SPTBN2: variants seen among roughly 807,000 people sequenced by gnomAD.
SPTBN2 encodes spectrin beta chain, non-erythrocytic 2.
A neutral mutation model predicts 284.2 loss-of-function variants in SPTBN2; 107 were observed. That is an observed-to-expected ratio of 0.38 (90% CI 0.32 to 0.44). The LOEUF is 0.44. Among genes scored for constraint, SPTBN2 ranks in the 20% least tolerant of loss-of-function variants. SPTBN2 has a pLI of 1.00. For missense variants in SPTBN2, 2,569 were observed against 3,287.1 expected, an observed-to-expected ratio of 0.78 and a Z score of 5.34; for synonymous variants, 1,289 against 1,354.8, an observed-to-expected ratio of 0.95 and a Z score of 1.07.
chr11:66,715,804 C>CA lies in SPTBN2; in HGVS notation c.309+25dup, dbSNP rs1307523927. ...CTTGGACACTTTTCTAAGGCCCCCC[C>CA]ACTTCCCTTCATGACCACAGCTCAC... On this transcript the variant is annotated intron_variant, in intron 4 of 37. Coordinates refer to ENST00000533211, the MANE Select transcript of SPTBN2 (RefSeq NM_006946.4). This position sits in a 1 kb window ranked among gnomAD's most constrained non-coding sequence, Gnocchi z 5.3. The CA allele has an allele frequency of 1.9e-6, 3 of 1,613,216 alleles. No individual in the cohort carries two copies. The highest frequency in any genetic ancestry group is 3.3e-5 in the Admixed American group (2 of 59,912).
At position 66,705,421 on chromosome 11, in the gene SPTBN2, G is replaced by T; in HGVS notation, c.1855C>A (p.Leu619Ile). The T allele has an allele frequency of 6.2e-7, 1 of 1,613,026 alleles. No homozygotes were observed. Among genetic ancestry groups the T allele is most frequent in the Non-Finnish European group, 8.5e-7 (1 of 1,180,024 alleles). ...CACAGTGCCTCATAGCTCTGCTCTA[G>T]CTTGGCCACCCGCTCCGACACCAGC... ...PQLVSERVAK[L>I]EQSYEALCEL... Residue 619 changes from leucine to isoleucine, a missense_variant, in exon 15 of 38, where the codon CTA (leucine) becomes ATA (isoleucine). By Grantham distance (5) the Leu-to-Ile change is conservative. This residue lies in a region of SPTBN2 where 1,012 missense variants were observed against 1,248.9 expected (regional missense o/e 0.81). Coordinates refer to ENST00000533211, the MANE Select transcript of SPTBN2 (RefSeq NM_006946.4).
Position 66,689,192 on chromosome 11 carries a change from G to A in SPTBN2, c.5950-12C>T, listed in dbSNP as rs867597185. On this transcript the variant is annotated splice_polypyrimidine_tract_variant and intron_variant, in intron 29 of 37. Coordinates refer to ENST00000533211, the MANE Select transcript of SPTBN2 (RefSeq NM_006946.4). The stretch of plus-strand genomic sequence containing the variant: ...AGCTTCTCTGAGATCTGGGGGCGGG[G>A]GGCAGAGATATGAGTTAGCACCAGG... 1 of 1,597,974 alleles carries A rather than the reference G, an allele frequency of 6.3e-7. No individual in the cohort carries two copies. Among genetic ancestry groups the A allele is most frequent in the Non-Finnish European group, 8.5e-7 (1 of 1,171,002 alleles).
chr11:66,710,234 G>A lies in SPTBN2; in HGVS notation c.1073+348C>T, dbSNP rs1182770381. Reference sequence around the variant, plus strand: ...ATTTTTTTGTAATTTTAGTGGAGACGGGGTTTCACCATGTTGGCCAGGCTG... The same window carrying A: ...ATTTTTTTGTAATTTTAGTGGAGACAGGGTTTCACCATGTTGGCCAGGCTG... On this transcript the variant is annotated intron_variant, in intron 10 of 37. Coordinates refer to ENST00000533211, the MANE Select transcript of SPTBN2 (RefSeq NM_006946.4). The surrounding 1 kb of genome is among the most constrained non-coding windows in gnomAD (Gnocchi z 4.9). 6.6e-6 allele frequency among the ~76,000 whole-genome samples: 1 copy of A among 151,006 alleles called. No homozygotes were observed. Among genetic ancestry groups the A allele is most frequent in the African/African-American group, 2.4e-5 (1 of 40,996 alleles).
chr11:66,710,805 C>A lies in SPTBN2; in HGVS notation c.886-36G>T. ...GAAGACAGGGACGTGACAGTCCCAG[C>A]CACAGGGTCCCTGGCCCAGTCCTGC... On this transcript the variant is annotated intron_variant, in intron 9 of 37. Coordinates refer to ENST00000533211, the MANE Select transcript of SPTBN2 (RefSeq NM_006946.4). The surrounding 1 kb of genome is among the most constrained non-coding windows in gnomAD (Gnocchi z 4.9). The A allele has an allele frequency of 1.2e-6, 2 of 1,612,878 alleles. No individual in the cohort carries two copies. Among genetic ancestry groups the A allele is most frequent in the Non-Finnish European group, 8.5e-7 (1 of 1,179,676 alleles).
upstream of SPTBN2, among the ~76,000 whole-genome samples, chr11:66,734,079 CTAAT>C (rs1292602129): frequency 6.6e-6 from 1 of 151,640 alleles, no homozygotes; most frequent in East Asian, 1.9e-4. Context: ...GCAATTGACT[CTAAT>C]TATGCCCTGC....
intron 1 of SPTBN2, among the ~76,000 whole-genome samples, chr11:66,736,690 C>T (rs1403489514): frequency 6.6e-6 from 1 of 152,160 alleles, no homozygotes; most frequent in Non-Finnish European, 1.5e-5. Context: ...ATACTAATAA[C>T]TGAGGGGGAA....
chr11:66,713,578 T>C, intron 8 of SPTBN2, 53 bp downstream of exon 8: 1 of 1,462,008 alleles, frequency 6.8e-7, no homozygotes, highest in South Asian at 1.1e-5. Flanking sequence ...CAACCACTGG[T>C]CCACCTCCTG....
rs1262705615 is a variant in SPTBN2 at position 66,705,034 on chromosome 11, T to C, written c.2242A>G (p.Ser748Gly). The change falls in exon 15 of 38, where the codon AGC (serine) becomes GGC (glycine). Residue 748 changes from serine to glycine, a missense_variant. Coordinates refer to ENST00000533211, the MANE Select transcript of SPTBN2 (RefSeq NM_006946.4). Reference sequence around the variant, plus strand: ...GCATCGGCCTGGAACTGGTAGAGGCTGGCGGCTTGGGCCAGCCGCTGGGCA... The same window carrying C: ...GCATCGGCCTGGAACTGGTAGAGGCCGGCGGCTTGGGCCAGCCGCTGGGCA... ...ERAQRLAQAA[S>G]LYQFQADAND... 1 of 1,600,780 alleles carries C rather than the reference T, an allele frequency of 6.2e-7. No homozygotes were observed. The highest frequency in any genetic ancestry group is 8.5e-7 in the Non-Finnish European group (1 of 1,179,466).
At chr11:66,709,235 T>C (rs1189497928) in intron 10 of SPTBN2, among the ~76,000 whole-genome samples, 1 of 152,238 alleles carries the variant, frequency 6.6e-6, no homozygotes, top group East Asian at 1.9e-4. Flanking sequence ...TGGAGTGCAG[T>C]GGTGCGATCT....
rs751736175 is a variant in SPTBN2 at position 66,693,082 on chromosome 11, C to G, written c.4873G>C (p.Ala1625Pro). 6.2e-6 allele frequency: 10 copies of G among 1,614,050 alleles called. No homozygotes were observed. Among genetic ancestry groups the G allele is most frequent in the Non-Finnish European group, 7.6e-6 (9 of 1,180,046 alleles). ...EKAKDELSAQ[A>P]EVKKHQVLEQ... Reference sequence around the variant, plus strand: ...AGCACCTGGTGCTTCTTCACCTCTGCCTGGGCACTCAGCTCATCCTGGGGG... The same window carrying G: ...AGCACCTGGTGCTTCTTCACCTCTGGCTGGGCACTCAGCTCATCCTGGGGG... The change falls in exon 25 of 38, where the codon GCA (alanine) becomes CCA (proline). Residue 1625 changes from alanine to proline, a missense_variant. By Grantham distance (27) the Ala-to-Pro change is conservative (BLOSUM62 -1). Transcript: ENST00000533211. This position sits in a 1 kb window ranked among gnomAD's most constrained non-coding sequence, Gnocchi z 5.7.
chr11:66,701,065 C>T lies in SPTBN2; in HGVS notation c.3034G>A (p.Ala1012Thr), dbSNP rs756291451. The change falls in exon 17 of 38, where the codon GCC (alanine) becomes ACC (threonine). Residue 1012 changes from alanine (A) to threonine (T), a missense_variant. Around this residue, in one of 6 missense-constraint regions of SPTBN2, gnomAD observed 1,012 missense variants for 1,248.9 expected, o/e 0.81. Transcript: ENST00000533211. ...AGTERDLEAI[A>T]ARVGELTREA... is the part of the protein sequence containing the mutation. ...CGAGTCAGTTCGCCCACCCGGGCGG[C>T]GATGGCCTCCAGGTCCCGCTCCGTG... 22 of 1,610,722 alleles carry T rather than the reference C, an allele frequency of 1.4e-5. No individual in the cohort carries two copies. Among genetic ancestry groups the T allele is most frequent in the African/African-American group, 5.3e-5 (4 of 74,940 alleles).
chr11:66,699,101 G>C lies in SPTBN2; in HGVS notation c.3777-19C>G, dbSNP rs1267223290. ...CTTGTGCCTGGAACGACACCCTCTT[G>C]TGAAACTCTGGAATTTGCTGTGAAA... On this transcript the variant is annotated intron_variant, in intron 18 of 37. Coordinates refer to ENST00000533211, the MANE Select transcript of SPTBN2 (RefSeq NM_006946.4). 1 of 1,614,102 alleles carries C rather than the reference G, an allele frequency of 6.2e-7. No individual in the cohort carries two copies. Among genetic ancestry groups the C allele is most frequent in the East Asian group, 2.2e-5 (1 of 44,880 alleles).
Position 66,688,150 on chromosome 11 carries a change from C to G in SPTBN2, c.6374+19G>C, listed in dbSNP as rs758234823. 6.8e-6 allele frequency: 11 copies of G among 1,613,390 alleles called. No homozygotes were observed. Among genetic ancestry groups the G allele is most frequent in the South Asian group, 2.2e-5 (2 of 91,086 alleles). On this transcript the variant is annotated intron_variant, in intron 32 of 37. Coordinates refer to ENST00000533211, the MANE Select transcript of SPTBN2 (RefSeq NM_006946.4). ...CTGGGCTCAGCCGCCTCCTCCTACCCAGGCATCCTGGCTCTCACCCGTCCC... is the reference window on the plus strand; with the variant it reads ...CTGGGCTCAGCCGCCTCCTCCTACCGAGGCATCCTGGCTCTCACCCGTCCC...
At position 66,715,077 on chromosome 11, in the gene SPTBN2, G is replaced by A. The variant is rs1942075177; in HGVS notation, c.483+145C>T. On this transcript the variant is annotated intron_variant, in intron 5 of 37. Coordinates refer to ENST00000533211, the MANE Select transcript of SPTBN2 (RefSeq NM_006946.4). This position sits in a 1 kb window ranked among gnomAD's most constrained non-coding sequence, Gnocchi z 5.3. Reference sequence around the variant, plus strand: ...AAAGAGGGGAGTCCACTGATCTGGTGCTTGGATAGCGCCGCCATGGCAGCT... The same window carrying A: ...AAAGAGGGGAGTCCACTGATCTGGTACTTGGATAGCGCCGCCATGGCAGCT... The A allele has an allele frequency of 2.9e-6, 3 of 1,039,772 alleles. No individual in the cohort carries two copies. Among genetic ancestry groups the A allele is most frequent in the South Asian group, 1.5e-5 (1 of 68,676 alleles). 64.4% of individuals were successfully genotyped at this position (1,039,772 alleles called of 1,614,324 possible). A position where few individuals can be genotyped will look rare whatever the true frequency, so the allele number is the denominator to read the frequency against.
intron 18 of SPTBN2, 76 bp from the exon 19 acceptor site, chr11:66,699,158 T>A: frequency 6.4e-7 from 1 of 1,551,038 alleles, no homozygotes; most frequent in Non-Finnish European, 8.9e-7. Flanking sequence ...CCTAGGGGCC[T>A]CCATTTCTTC....
At chr11:66,699,697 A>G in intron 17 of SPTBN2, 89 bp from the exon 18 acceptor site, 1 of 1,326,430 alleles carries the variant, frequency 7.5e-7, no homozygotes, top group Non-Finnish European at 1.1e-6. Context: ...TCTGAGAGGT[A>G]GGGACCAACA....
intron 3 of SPTBN2, among the ~76,000 whole-genome samples, chr11:66,720,215 C>T (rs546729664): frequency 1.1e-4 from 16 of 152,064 alleles, no homozygotes; most frequent in Non-Finnish European, 1.9e-4. Flanking sequence ...CACCCCCACT[C>T]GGAGCACCAC....
rs1399777162 is a variant in SPTBN2, at chr11:66,701,154, T to A, written c.2945A>T (p.Glu982Val). The change falls in exon 17 of 38, where the codon GAG becomes GTG. Residue 982 changes from glutamate (E) to valine (V), a missense_variant. By Grantham distance (121) the Glu-to-Val change is moderately radical (BLOSUM62 -2). Transcript: ENST00000533211. ...ATCGTTGCCTAGGCCCTGGGTGGACTCGATGACTTTGGTCTTCTCTCTCAT... is the reference window on the plus strand; with the variant it reads ...ATCGTTGCCTAGGCCCTGGGTGGACACGATGACTTTGGTCTTCTCTCTCAT... ...AWMREKTKVI[E>V]STQGLGNDLA... is the part of the protein sequence containing the mutation. 3 of 1,613,200 alleles carry A rather than the reference T, an allele frequency of 1.9e-6. No homozygotes were observed. In the East Asian group the frequency reaches 6.7e-5, roughly 36 times the overall value.
intron 1 of SPTBN2, among the ~76,000 whole-genome samples, chr11:66,739,358 A>G (rs1942879407): frequency 6.6e-6 from 1 of 152,228 alleles, no homozygotes; most frequent in Non-Finnish European, 1.5e-5. Flanking sequence ...AATCACACAC[A>G]GTCAGGATGT....
Sources: gnomAD v4.1 joint callset for allele counts (sites outside exome capture counted in the v4.1 genomes callset) on GRCh38, gnomAD v4.1.1 for gene constraint, gnomAD v4.1.1 regional missense constraint, Gnocchi (gnomAD v3.1) non-coding constraint, MANE v1.5 for transcripts, NCBI Gene and HGNC (gene_info 2026-07-23, HGNC 2026-07-21) for gene names.